Variants in PDE1A observed in about 807,000 individuals in gnomAD.
The protein encoded by PDE1A is phosphodiesterase 1A, also known as dual specificity calcium/calmodulin-dependent 3',5'-cyclic nucleotide phosphodiesterase 1A.
PDE1A carries 35 observed loss-of-function variants against 61.7 expected under a neutral mutation model. The observed-to-expected ratio is 0.57, with a 90% confidence interval of 0.43 to 0.75. The LOEUF is 0.75. PDE1A is among the 30% of genes least tolerant of loss of function. PDE1A has a pLI of 0.00. For synonymous variants in PDE1A, 232 were observed against 213.2 expected, an observed-to-expected ratio of 1.09 and a Z score of -0.77; for missense variants, 597 against 630.6, an observed-to-expected ratio of 0.95 and a Z score of 0.57.
At chr2:182,306,450 G>GA (rs368777376) in intron 1 of PDE1A, among the ~76,000 whole-genome samples, 1 of 151,074 alleles carries the variant, frequency 6.6e-6, no homozygotes, top group African/African-American at 2.4e-5. Context: ...ACAGAAATAG[G>GA]AAAAAATCCA....
intron 2 of PDE1A, among the ~76,000 whole-genome samples, chr2:182,507,140 T>C (rs1280822485): frequency 2.0e-5 from 3 of 152,140 alleles, no homozygotes; most frequent in Non-Finnish European, 2.9e-5. Context: ...ACTAATTGGC[T>C]ATTAGTTCAA....
downstream of PDE1A, among the ~76,000 whole-genome samples, chr2:182,143,806 C>T (rs1235724925): frequency 1.3e-5 from 2 of 152,210 alleles, no homozygotes; most frequent in African/African-American, 2.4e-5. Flanking sequence ...TGAGCCACCG[C>T]ACCCGTCCTG....
At chr2:182,459,184 A>G (rs1686115331) in intron 2 of PDE1A, among the ~76,000 whole-genome samples, 1 of 152,106 alleles carries the variant, frequency 6.6e-6, no homozygotes, top group South Asian at 2.1e-4. Context: ...TTCTTGTAAA[A>G]GATTAATATT....
chr2:182,171,877 T>C (rs903570587), intron 13 of PDE1A, among the ~76,000 whole-genome samples: 2 of 151,766 alleles, frequency 1.3e-5, no homozygotes, highest in Admixed American at 1.3e-4. Context: ...TCCAACCCAA[T>C]ACTCCCTTCC....
At chr2:182,235,121 T>C (rs1559231156) in intron 3 of PDE1A, among the ~76,000 whole-genome samples, 1 of 151,960 alleles carries the variant, frequency 6.6e-6, no homozygotes, top group Admixed American at 6.6e-5. Context: ...ACAAAAGTGG[T>C]TTTTTGTTTT....
At chr2:182,534,504 A>T in the PDE1A span, among the ~76,000 whole-genome samples, 1 of 151,850 alleles carries the variant, frequency 6.6e-6, no homozygotes, top group Admixed American at 6.6e-5. Flanking sequence ...TTTCTTTCAA[A>T]TTACTTACCA....
the PDE1A span, among the ~76,000 whole-genome samples, chr2:182,688,127 TC>T: frequency 6.6e-6 from 1 of 152,116 alleles, no homozygotes; most frequent in Non-Finnish European, 1.5e-5. Context: ...CAGGAGAACT[TC>T]CCCAACCTAG....
At chr2:182,628,611 T>C in the PDE1A span, among the ~76,000 whole-genome samples, 1 of 152,182 alleles carries the variant, frequency 6.6e-6, no homozygotes, top group Non-Finnish European at 1.5e-5. Flanking sequence ...GAAAAGCTTG[T>C]AGAAATACGT....
intron 2 of PDE1A, among the ~76,000 whole-genome samples, chr2:182,516,608 G>A (rs921620711): frequency 4.0e-5 from 6 of 151,246 alleles, no homozygotes; most frequent in Admixed American, 6.6e-5. Context: ...AGCAGAGATC[G>A]CACCACTGCA....
intron 2 of PDE1A, among the ~76,000 whole-genome samples, chr2:182,249,039 G>GA (rs1383965789): frequency 6.6e-6 from 1 of 152,196 alleles, no homozygotes; most frequent in African/African-American, 2.4e-5. Flanking sequence ...ATAAAAGACA[G>GA]ACAAGTTGGG....
intron 1 of PDE1A, among the ~76,000 whole-genome samples, chr2:182,285,151 C>T (rs965905098): frequency 3.3e-5 from 5 of 152,178 alleles, no homozygotes; most frequent in African/African-American, 1.2e-4. Context: ...ACTGCAGCCA[C>T]TCTTGCTTCT....
intron 2 of PDE1A, among the ~76,000 whole-genome samples, chr2:182,495,811 G>A (rs774231984): frequency 6.6e-6 from 1 of 152,110 alleles, no homozygotes; most frequent in Non-Finnish European, 1.5e-5. Flanking sequence ...ATCTCCTCGA[G>A]AGACAGACTG....
At chr2:182,694,309 C>G in the PDE1A span, among the ~76,000 whole-genome samples, 45 of 152,250 alleles carry the variant, frequency 3.0e-4, no homozygotes, top group African/African-American at 1.1e-3. Context: ...TTTCTGGGCT[C>G]TTAGTTCTAT....
At chr2:182,606,973 G>A in the PDE1A span, among the ~76,000 whole-genome samples, 1 of 152,204 alleles carries the variant, frequency 6.6e-6, no homozygotes, top group Non-Finnish European at 1.5e-5. Flanking sequence ...GAGGAGATGG[G>A]AGACCAGTCT....
At chr2:182,335,442 G>A (rs1037208022) in intron 1 of PDE1A, among the ~76,000 whole-genome samples, 7 of 152,154 alleles carry the variant, frequency 4.6e-5, no homozygotes, top group Non-Finnish European at 8.8e-5. Flanking sequence ...GAACAGAACA[G>A]AGGCCTCAGA....
At chr2:182,387,232 G>C (rs1190313051) in intron 1 of PDE1A, among the ~76,000 whole-genome samples, 2 of 152,098 alleles carry the variant, frequency 1.3e-5, no homozygotes, top group Non-Finnish European at 2.9e-5. Flanking sequence ...TACTCGTTAA[G>C]AGTCATCACC....
At chr2:182,229,975 T>C (rs368490901) in intron 6 of PDE1A, 31 bp downstream of exon 6, 58 of 1,585,204 alleles carry the variant, frequency 3.7e-5, no homozygotes, top group Non-Finnish European at 4.6e-5. Context: ...GCTTCCAAAC[T>C]AACAAACCTC....
intron 10 of PDE1A, among the ~76,000 whole-genome samples, chr2:182,200,670 T>C (rs1686546054): frequency 6.6e-6 from 1 of 152,236 alleles, no homozygotes; most frequent in Admixed American, 6.5e-5. Context: ...TGAGTCATTC[T>C]AGCAAGTTAT....
the PDE1A span, among the ~76,000 whole-genome samples, chr2:182,546,300 A>G: frequency 6.6e-6 from 1 of 152,102 alleles, no homozygotes; most frequent in Admixed American, 6.5e-5. Flanking sequence ...TAGACAAAGG[A>G]GAAGGTAGCA....
Sources: gnomAD v4.1 joint callset for allele counts (sites outside exome capture counted in the v4.1 genomes callset) on GRCh38, gnomAD v4.1.1 for gene constraint, MANE v1.5 for transcripts, NCBI Gene and HGNC (gene_info 2026-07-23, HGNC 2026-07-21) for gene names.